The following ABCA13 variants were observed in gnomAD, a reference collection of about 807,000 sequenced individuals.
ABCA13 encodes the protein ATP-binding cassette sub-family A member 13.
ABCA13 carries 476 observed loss-of-function variants against 478.7 expected under a neutral mutation model. That is an observed-to-expected ratio of 0.99 (90% CI 0.92 to 1.07). The LOEUF is 1.07. ABCA13 is among the 50% of genes least tolerant of loss of function. The pLI is 0.00. For synonymous variants in ABCA13, 2,252 were observed against 2,158.9 expected (o/e 1.04, Z -1.20); for missense variants, 6,060 against 5,910.6 (o/e 1.03, Z -0.83).
chr7:48,612,027 A>T (rs534428719), intron 58 of ABCA13: 1 of 152,274 alleles, frequency 6.6e-6, no homozygotes, highest in African/African-American at 2.4e-5. Flanking sequence ...TGGCCCAGAC[A>T]AGACACATTT....
At chr7:48,373,532 G>T (rs551639185) in intron 33 of ABCA13, among the ~76,000 whole-genome samples, 1 of 152,242 alleles carries the variant, frequency 6.6e-6, no homozygotes, top group African/African-American at 2.4e-5. Flanking sequence ...TTTATCTATT[G>T]GTATGTGTTC....
chr7:48,538,393 G>A (rs757948289), intron 55 of ABCA13, among the ~76,000 whole-genome samples: 7 of 151,742 alleles, frequency 4.6e-5, no homozygotes, highest in South Asian at 2.1e-4. Flanking sequence ...GAGCCATCGC[G>A]CCCAGCCTAT....
At chr7:48,409,878 A>T (rs984246347) in intron 39 of ABCA13, among the ~76,000 whole-genome samples, 2 of 151,402 alleles carry the variant, frequency 1.3e-5, no homozygotes, top group Non-Finnish European at 2.9e-5. Flanking sequence ...TCAGAAGTTC[A>T]AGACCAGCCT....
rs114301428 is a variant in ABCA13 at position 48,258,740 on chromosome 7, C to T, written c.2005+9389C>T. ...TTTATATCTTTCTAAATTTTTGATG[C>T]GGGTGTTTAGTGCTATAAACTTCCC... On this transcript the variant is annotated intron_variant, in intron 15 of 61. Coordinates refer to ENST00000435803, the MANE Select transcript of ABCA13 (RefSeq NM_152701.5). Among the ~76,000 whole-genome samples, 377 of 152,088 alleles carry T rather than the reference C, an allele frequency of 2.5e-3. 2 individuals carry two copies. The highest frequency in any genetic ancestry group is 8.3e-3 in the African/African-American group (344 of 41,514).
At chr7:48,549,352 A>G (rs1785105601) in intron 55 of ABCA13, among the ~76,000 whole-genome samples, 1 of 151,718 alleles carries the variant, frequency 6.6e-6, no homozygotes, top group African/African-American at 2.4e-5. Flanking sequence ...GCTGAGGATG[A>G]TGGCTTCCAG....
chr7:48,215,191 C>T (rs79448540), intron 3 of ABCA13, among the ~76,000 whole-genome samples: 3 of 152,036 alleles, frequency 2.0e-5, no homozygotes, highest in Non-Finnish European at 2.9e-5. Flanking sequence ...TCCTTTCACT[C>T]GAACAATTAG....
At chr7:48,549,312 G>A (rs1785103114) in intron 55 of ABCA13, among the ~76,000 whole-genome samples, 1 of 151,774 alleles carries the variant, frequency 6.6e-6, no homozygotes, top group Admixed American at 6.6e-5. Context: ...AGAACATGTG[G>A]TGTTTGGTTT....
intron 19 of ABCA13, among the ~76,000 whole-genome samples, chr7:48,286,272 G>A (rs74994982): frequency 6.6e-6 from 1 of 152,208 alleles, no homozygotes; most frequent in East Asian, 1.9e-4. Flanking sequence ...TACATCCAGT[G>A]TTACAGTATC....
At chr7:48,349,514 A>C (rs898121885) in intron 29 of ABCA13, among the ~76,000 whole-genome samples, 2 of 152,196 alleles carry the variant, frequency 1.3e-5, no homozygotes, top group African/African-American at 4.8e-5. Context: ...ATGCATCTTC[A>C]TGTAGTTTCT....
intron 43 of ABCA13, among the ~76,000 whole-genome samples, chr7:48,455,789 T>C (rs4621756): frequency 0.19 from 28,622 of 152,262 alleles, 3,119 homozygotes; most frequent in African/African-American, 0.3. Context: ...CTCCCCAGGC[T>C]GGGGTCAATT....
intron 48 of ABCA13, among the ~76,000 whole-genome samples, chr7:48,495,960 C>A (rs1830237540): frequency 6.6e-6 from 1 of 152,092 alleles, no homozygotes; most frequent in Non-Finnish European, 1.5e-5. Context: ...CATAATATAT[C>A]TTTCCCGTTA....
intron 42 of ABCA13, among the ~76,000 whole-genome samples, chr7:48,441,042 GAAGT>G (rs1585333649): frequency 6.6e-6 from 1 of 152,132 alleles, no homozygotes; most frequent in African/African-American, 2.4e-5. Context: ...TACCAAATAA[GAAGT>G]AAGTCTAGGA....
chr7:48,321,678 C>T (rs1166990225), intron 27 of ABCA13, among the ~76,000 whole-genome samples: 4 of 152,164 alleles, frequency 2.6e-5, no homozygotes, highest in African/African-American at 9.7e-5. Context: ...TGCTATGAGC[C>T]GGCTGCCGTG....
rs111358472 is a variant in ABCA13, at chr7:48,636,339, G to A, written c.14838-6949G>A. ...GCAGATCCCAGTTAGTACTTTCTAT[G>A]TTATAGCTCCTCTAGTTTGTAATTA... On this transcript the variant is annotated intron_variant, in intron 59 of 61. Transcript: ENST00000435803. Among the ~76,000 whole-genome samples the A allele has an allele frequency of 4.9e-3, 740 of 152,286 alleles. 8 individuals are homozygous for A. The highest frequency in any genetic ancestry group is 0.016 in the African/African-American group (681 of 41,554).
chr7:48,387,158 A>G (rs1815321607), intron 35 of ABCA13, among the ~76,000 whole-genome samples: 1 of 151,986 alleles, frequency 6.6e-6, no homozygotes, highest in Admixed American at 6.5e-5. Context: ...TCAGTTGTAG[A>G]ATTTAGGCCT....
intron 15 of ABCA13, among the ~76,000 whole-genome samples, chr7:48,259,654 A>G (rs1008359312): frequency 1.8e-4 from 28 of 152,096 alleles, no homozygotes; most frequent in Non-Finnish European, 3.4e-4. Flanking sequence ...TCATGTTGTT[A>G]GTTGGTTACT....
At chr7:48,206,744 G>A (rs973607911) in intron 3 of ABCA13, among the ~76,000 whole-genome samples, 1 of 152,038 alleles carries the variant, frequency 6.6e-6, no homozygotes, top group Non-Finnish European at 1.5e-5. Context: ...TAAAATCAGG[G>A]TAATCAGGAT....
chr7:48,216,783 C>T (rs568914465), intron 3 of ABCA13, among the ~76,000 whole-genome samples: 1 of 152,052 alleles, frequency 6.6e-6, no homozygotes, highest in African/African-American at 2.4e-5. Context: ...AGGGATACAA[C>T]TTCATTCTTT....
intron 52 of ABCA13, among the ~76,000 whole-genome samples, chr7:48,519,385 T>C (rs2130965804): frequency 6.6e-6 from 1 of 152,342 alleles, no homozygotes. Context: ...CCACACCATC[T>C]TCCACAGTGG....
Sources: allele counts gnomAD v4.1 joint callset (sites outside exome capture counted in the v4.1 genomes callset), GRCh38; gene constraint gnomAD v4.1.1; transcripts MANE v1.5; gene names NCBI Gene and HGNC (gene_info 2026-07-23, HGNC 2026-07-21).